Variants in GSK3B observed in about 807,000 individuals in gnomAD.
GSK3B encodes the protein glycogen synthase kinase 3 beta, also known as glycogen synthase kinase-3 beta.
In GSK3B, 15 loss-of-function variants were observed where a neutral mutation model predicts 56.4. The observed-to-expected ratio is 0.27, with a 90% CI of 0.18 to 0.41. GSK3B has a LOEUF of 0.41. GSK3B is among the 10% of genes least tolerant of loss of function. The pLI, the probability that GSK3B is intolerant of heterozygous loss-of-function variation, is 1.00. For missense variants in GSK3B, 300 were observed against 513.4 expected, an observed-to-expected ratio of 0.58 and a Z score of 4.02; for synonymous variants, 181 against 188.9, an observed-to-expected ratio of 0.96 and a Z score of 0.34.
chr3:120,065,287 TA>T (rs2058269573), intron 1 of GSK3B, among the ~76,000 whole-genome samples: 1 of 152,132 alleles, frequency 6.6e-6, no homozygotes, highest in Non-Finnish European at 1.5e-5. Flanking sequence ...ATCCAGTTTT[TA>T]AAAGACAAAG....
intron 9 of GSK3B, 110 bp downstream of exon 9, chr3:119,863,309 C>A: frequency 1.2e-6 from 1 of 846,716 alleles, no homozygotes; most frequent in South Asian, 1.6e-5. Context: ...TACCTAAGTA[C>A]TTAATATGTC....
intron 7 of GSK3B, among the ~76,000 whole-genome samples, chr3:119,897,610 T>G (rs912665775): frequency 1.3e-5 from 2 of 151,848 alleles, no homozygotes; most frequent in African/African-American, 4.8e-5. Context: ...TGTCCACTAT[T>G]ACTAATAGAT....
intron 2 of GSK3B, among the ~76,000 whole-genome samples, chr3:119,967,919 A>G (rs1237591193): frequency 6.6e-6 from 1 of 150,548 alleles, no homozygotes; most frequent in Non-Finnish European, 1.5e-5. Context: ...GCAGTGGCAC[A>G]ATCTCCACTC....
chr3:120,084,591 C>A (rs1365033989), intron 1 of GSK3B: 3 of 152,292 alleles, frequency 2.0e-5, no homozygotes, highest in Non-Finnish European at 4.4e-5. Flanking sequence ...AAGTAAAAGG[C>A]ACAGGCTTCA....
chr3:119,967,382 C>CT (rs892586420), intron 2 of GSK3B, among the ~76,000 whole-genome samples: 71 of 151,924 alleles, frequency 4.7e-4, no homozygotes, highest in African/African-American at 1.5e-3. Flanking sequence ...GGCCAGCTAT[C>CT]TTTTTTTTAA....
intron 2 of GSK3B, among the ~76,000 whole-genome samples, chr3:119,960,915 C>A (rs920508472): frequency 6.6e-6 from 1 of 152,050 alleles, no homozygotes; most frequent in Non-Finnish European, 1.5e-5. Flanking sequence ...ATGCCCAGCC[C>A]ATATCAACTC....
Position 119,824,351 on chromosome 3 carries a change from ACG to A in GSK3B, c.*2435_*2436del, listed in dbSNP as rs1302567475. On this transcript the variant is annotated 3_prime_UTR_variant, in exon 11 of 11. Coordinates refer to ENST00000264235, the MANE Select transcript of GSK3B (RefSeq NM_001146156.2). ...TCAGCACACACACACACACACACAC[ACG>A]CACACATGCACACACAATGAAATGA... The A allele has an allele frequency of 1.9e-5, 4 of 215,310 alleles. No homozygotes were observed. Among genetic ancestry groups the A allele is most frequent in the East Asian group, 6.9e-5 (1 of 14,480 alleles). The allele number at this position is 215,310 out of a possible 1,614,324, so 13.3% of individuals were successfully genotyped here.
chr3:119,915,936 TA>T, intron 5 of GSK3B, 107 bp downstream of exon 5: 3 of 718,156 alleles, frequency 4.2e-6, no homozygotes, highest in Non-Finnish European at 6.8e-6. Flanking sequence ...ACTTCTTGAA[TA>T]AGAATTACTG....
chr3:119,906,239 C>G (rs773998993), intron 6 of GSK3B, among the ~76,000 whole-genome samples: 1 of 151,984 alleles, frequency 6.6e-6, no homozygotes, highest in Non-Finnish European at 1.5e-5. Flanking sequence ...AGAGGAGCAG[C>G]AAGGAAAGGT....
In GSK3B at chr3:119,931,490, C is replaced by A. The variant is rs1021473581; in HGVS notation, c.367-8007G>T. On this transcript the variant is annotated intron_variant, in intron 3 of 10. Coordinates refer to ENST00000264235, the MANE Select transcript of GSK3B (RefSeq NM_001146156.2). Reference sequence around the variant, plus strand: ...AGTTAGCCAGGCGTGGTGGCATGCACCTGTAGTCCCAGCTACTCAGGAGGC... The same window carrying A: ...AGTTAGCCAGGCGTGGTGGCATGCAACTGTAGTCCCAGCTACTCAGGAGGC... Among the ~76,000 whole-genome samples the A allele has an allele frequency of 9.9e-5, 15 of 152,070 alleles. No homozygotes were observed. The East Asian group carries it at 1.3e-3, about 14-fold the overall frequency.
At chr3:119,875,546 C>T (rs201509410) in intron 8 of GSK3B, among the ~76,000 whole-genome samples, 1 of 129,066 alleles carries the variant, frequency 7.7e-6, no homozygotes, top group Non-Finnish European at 1.7e-5. Flanking sequence ...CACACACACA[C>T]AGAAGTTTAA....
intron 9 of GSK3B, among the ~76,000 whole-genome samples, chr3:119,859,705 C>T (rs1366589748): frequency 6.6e-6 from 1 of 151,950 alleles, no homozygotes; most frequent in Non-Finnish European, 1.5e-5. Context: ...TCTTTACTTG[C>T]TTTCTGGAAC....
chr3:119,994,787 A>G (rs923972266), intron 2 of GSK3B, among the ~76,000 whole-genome samples: 5 of 152,220 alleles, frequency 3.3e-5, no homozygotes, highest in African/African-American at 1.2e-4. Context: ...ATAGAAGACT[A>G]GAGATATCAC....
chr3:119,959,756 A>C (rs576248786), intron 2 of GSK3B, among the ~76,000 whole-genome samples: 3 of 151,752 alleles, frequency 2.0e-5, no homozygotes, highest in Admixed American at 6.6e-5. Flanking sequence ...ACCTCAAATG[A>C]TCCTCCAACC....
chr3:119,827,607 A>AT (rs2055533140), intron 10 of GSK3B, among the ~76,000 whole-genome samples: 1 of 145,952 alleles, frequency 6.9e-6, no homozygotes, highest in African/African-American at 2.5e-5. Flanking sequence ...AAAAAAAAAA[A>AT]AAGAGAGAGA....
intron 6 of GSK3B, among the ~76,000 whole-genome samples, chr3:119,910,784 T>C (rs1352864034): frequency 1.3e-5 from 2 of 152,236 alleles, no homozygotes; most frequent in East Asian, 1.9e-4. Flanking sequence ...ACTACAATTA[T>C]GTAATATTCT....
intron 8 of GSK3B, among the ~76,000 whole-genome samples, chr3:119,875,535 ACACACACACACAG>A (rs2056301640): frequency 1.9e-5 from 2 of 104,276 alleles, no homozygotes; most frequent in South Asian, 3.2e-4. Flanking sequence ...ACACACACAC[ACACACACACACAG>A]AAGTTTAATC....
At chr3:120,022,671 G>C (rs530919191) in intron 1 of GSK3B, among the ~76,000 whole-genome samples, 1 of 152,132 alleles carries the variant, frequency 6.6e-6, no homozygotes. Flanking sequence ...TCTTCAAGGC[G>C]GAAGAGTACT....
intron 1 of GSK3B, among the ~76,000 whole-genome samples, chr3:120,026,568 CTTT>C (rs1221060200): frequency 3.5e-5 from 5 of 144,212 alleles, no homozygotes; most frequent in Non-Finnish European, 7.6e-5. Context: ...CACACACACT[CTTT>C]TTTTTTTTCT....
Sources: allele counts gnomAD v4.1 joint callset (sites outside exome capture counted in the v4.1 genomes callset), GRCh38; gene constraint gnomAD v4.1.1; transcripts MANE v1.5; gene names NCBI Gene and HGNC (gene_info 2026-07-23, HGNC 2026-07-21).